SCEL: variants seen among roughly 807,000 people sequenced by gnomAD.
SCEL encodes the protein sciellin.
In SCEL, 113 loss-of-function variants were observed where a neutral mutation model predicts 117.6. The ratio of observed to expected loss-of-function variants is 0.96; its 90% confidence interval spans 0.83 to 1.12. SCEL has a LOEUF of 1.12. Ranked by LOEUF, SCEL falls within the 50% of genes most tolerant of loss-of-function variation. The pLI is 0.00. For missense variants in SCEL, 785 were observed against 810.8 expected (o/e 0.97, Z 0.39); for synonymous variants, 270 against 256.2 (o/e 1.05, Z -0.51).
chr13:77,556,200 A>G (rs2084647132), intron 2 of SCEL, among the ~76,000 whole-genome samples: 1 of 152,198 alleles, frequency 6.6e-6, no homozygotes, highest in South Asian at 2.1e-4. Context: ...TTAGAATCAA[A>G]TGACCAGGAC....
chr13:77,551,386 A>G (rs2084312340), intron 1 of SCEL, among the ~76,000 whole-genome samples: 1 of 152,214 alleles, frequency 6.6e-6, no homozygotes, highest in Admixed American at 6.5e-5. Context: ...TGCCTATTTT[A>G]TAACTCTTCA....
chr13:77,636,992 A>T, intron 29 of SCEL, 128 bp from the exon 30 acceptor site: 1 of 480,480 alleles, frequency 2.1e-6, no homozygotes. Context: ...GTGTCAGTAC[A>T]TCATCCTGGC....
At chr13:77,643,624 A>AC (rs989285886) in intron 32 of SCEL, among the ~76,000 whole-genome samples, 1 of 152,056 alleles carries the variant, frequency 6.6e-6, no homozygotes, top group African/African-American at 2.4e-5. Flanking sequence ...AACACTTGGG[A>AC]CCCCTACCTG....
intron 1 of SCEL, among the ~76,000 whole-genome samples, chr13:77,554,541 A>G (rs1332722483): frequency 6.6e-6 from 1 of 152,218 alleles, no homozygotes; most frequent in Non-Finnish European, 1.5e-5. Context: ...ATACTTTCAC[A>G]TTAGAGGATA....
chr13:77,561,280 A>G (rs548332863), intron 4 of SCEL, among the ~76,000 whole-genome samples: 3 of 152,336 alleles, frequency 2.0e-5, no homozygotes, highest in Admixed American at 1.3e-4. Flanking sequence ...TGTACATACA[A>G]TGTGTTTTAG....
At chr13:77,580,005 C>A (rs1419366025) in intron 9 of SCEL, among the ~76,000 whole-genome samples, 2 of 152,174 alleles carry the variant, frequency 1.3e-5, no homozygotes, top group Non-Finnish European at 2.9e-5. Context: ...GCATGAAATC[C>A]AGTAATTCCA....
intron 3 of SCEL, among the ~76,000 whole-genome samples, chr13:77,558,357 C>T (rs1349554251): frequency 1.3e-5 from 2 of 152,074 alleles, no homozygotes; most frequent in African/African-American, 4.8e-5. Context: ...AAAAACATGT[C>T]TGGTATCTGC....
At chr13:77,602,319 G>A in intron 16 of SCEL, 195 bp downstream of exon 16, 1 of 515,938 alleles carries the variant, frequency 1.9e-6, no homozygotes. Context: ...ATTGAAGTAG[G>A]TGCAGGAAAA....
intron 9 of SCEL, among the ~76,000 whole-genome samples, chr13:77,572,729 A>C (rs1781925130): frequency 6.6e-6 from 1 of 152,232 alleles, no homozygotes; most frequent in Non-Finnish European, 1.5e-5. Context: ...GTTATAAAGC[A>C]ACTAATCATG....
At chr13:77,602,011 A>G in intron 15 of SCEL, 54 bp from the exon 16 acceptor site, 1 of 1,402,150 alleles carries the variant, frequency 7.1e-7, no homozygotes, top group Admixed American at 2.0e-5. Context: ...TATATCACTG[A>G]GTTGCTCTTG....
At chr13:77,579,044 G>A (rs1325560260) in intron 9 of SCEL, among the ~76,000 whole-genome samples, 5 of 152,280 alleles carry the variant, frequency 3.3e-5, no homozygotes, top group Non-Finnish European at 5.9e-5. Flanking sequence ...AGGTTACATG[G>A]TAAAGGTAAG....
chr13:77,537,443 C>A (rs558216410), intron 1 of SCEL, among the ~76,000 whole-genome samples: 31 of 152,318 alleles, frequency 2.0e-4, no homozygotes, highest in Non-Finnish European at 4.4e-4. Context: ...ATGAGCCACA[C>A]TCCATCACAG....
At chr13:77,588,350 CTATCTACCA>C (rs1393409483) in intron 9 of SCEL, among the ~76,000 whole-genome samples, 1 of 152,186 alleles carries the variant, frequency 6.6e-6, no homozygotes, top group East Asian at 1.9e-4. Flanking sequence ...GCCCACATGC[CTATCTACCA>C]TTGCTACAGA....
At chr13:77,603,279 TC>T in intron 18 of SCEL, 144 bp downstream of exon 18, 1 of 455,294 alleles carries the variant, frequency 2.2e-6, no homozygotes. Flanking sequence ...TCCCTCCTTA[TC>T]CCCAATAAAA....
intron 9 of SCEL, among the ~76,000 whole-genome samples, chr13:77,582,038 G>A (rs1164805629): frequency 2.0e-5 from 3 of 152,014 alleles, no homozygotes; most frequent in Non-Finnish European, 4.4e-5. Flanking sequence ...TGGGGGATGG[G>A]GGTGAAAGGA....
intron 27 of SCEL, among the ~76,000 whole-genome samples, chr13:77,620,392 G>C (rs1178860998): frequency 6.6e-6 from 1 of 152,178 alleles, no homozygotes; most frequent in East Asian, 1.9e-4. Flanking sequence ...TCAATTCAGT[G>C]TGACACAAGC....
At chr13:77,617,555 A>T (rs1222997470) in intron 24 of SCEL, 44 bp from the exon 25 acceptor site, 1 of 1,179,278 alleles carries the variant, frequency 8.5e-7, no homozygotes, top group East Asian at 2.3e-5. Context: ...TAAACCTGTG[A>T]TTATCTCTAA....
At chr13:77,536,912 T>C (rs2083445760) in intron 1 of SCEL, among the ~76,000 whole-genome samples, 1 of 152,238 alleles carries the variant, frequency 6.6e-6, no homozygotes, top group Non-Finnish European at 1.5e-5. Context: ...GGCTTTCAAG[T>C]GTTTATAGTA....
At chr13:77,570,925 C>A (rs1289022802) in intron 8 of SCEL, among the ~76,000 whole-genome samples, 1 of 151,680 alleles carries the variant, frequency 6.6e-6, no homozygotes, top group African/African-American at 2.4e-5. Context: ...CTCTGCCTCC[C>A]AGGTTTAACC....
Sources: gnomAD v4.1 joint callset for allele counts (sites outside exome capture counted in the v4.1 genomes callset) on GRCh38, gnomAD v4.1.1 for gene constraint, MANE v1.5 for transcripts, NCBI Gene and HGNC (gene_info 2026-07-23, HGNC 2026-07-21) for gene names.